ULK4: variants seen among roughly 807,000 people sequenced by gnomAD.
ULK4 encodes unc-51 like kinase 4.
ULK4 carries 133 observed loss-of-function variants against 160.6 expected under a neutral mutation model. The ratio of observed to expected loss-of-function variants is 0.83; its 90% CI spans 0.72 to 0.96. The LOEUF (loss-of-function observed/expected upper bound fraction) is 0.96, where lower values mean the gene tolerates loss of function less well. ULK4 is among the 40% of genes least tolerant of loss of function. The probability of loss-of-function intolerance (pLI) is 0.00; values close to 1 mark genes in which losing one functional copy is unlikely to be tolerated. For synonymous variants in ULK4, 534 were observed against 539.8 expected (o/e 0.99, Z 0.15); for missense variants, 1,580 against 1,499.5 (o/e 1.05, Z -0.89).
At chr3:41,275,883 A>G (rs2079221108) in intron 35 of ULK4, among the ~76,000 whole-genome samples, 1 of 152,230 alleles carries the variant, frequency 6.6e-6, no homozygotes, top group Admixed American at 6.5e-5. Flanking sequence ...GTGGTTAATG[A>G]TCTGTCCTCA....
chr3:41,710,398 G>C (rs953188451), intron 25 of ULK4, among the ~76,000 whole-genome samples: 3 of 152,152 alleles, frequency 2.0e-5, no homozygotes, highest in Non-Finnish European at 2.9e-5. Flanking sequence ...TTTTAAGAGA[G>C]ACCTGTCATT....
intron 35 of ULK4, among the ~76,000 whole-genome samples, chr3:41,330,123 A>T (rs1479307946): frequency 6.6e-6 from 1 of 152,170 alleles, no homozygotes; most frequent in Non-Finnish European, 1.5e-5. Flanking sequence ...AGTGGACTGG[A>T]GACAATGCCA....
At chr3:41,572,370 C>G (rs6773995) in intron 31 of ULK4, among the ~76,000 whole-genome samples, 9,324 of 152,124 alleles carry the variant, frequency 0.061, 857 homozygotes, top group African/African-American at 0.2. Flanking sequence ...ATCTAGGGCT[C>G]TAATGGTGAT....
chr3:41,664,847 G>A (rs1196606383), intron 29 of ULK4, among the ~76,000 whole-genome samples: 2 of 152,028 alleles, frequency 1.3e-5, no homozygotes, highest in African/African-American at 2.4e-5. Context: ...TATTACCAAA[G>A]AGAATAAAAC....
At chr3:41,803,035 C>T (rs1474337409) in intron 19 of ULK4, among the ~76,000 whole-genome samples, 1 of 151,924 alleles carries the variant, frequency 6.6e-6, no homozygotes, top group Non-Finnish European at 1.5e-5. Context: ...CATGGTGGCA[C>T]GTGCTTATAA....
Position 41,447,011 on chromosome 3 carries a change from G to A in ULK4, c.3492+8486C>T, listed in dbSNP as rs555432821. ...AGGCAGGAGAATTGCTTGAACCCGG[G>A]AGGTGGAGGTTGCAGTTAGCCGAGA... On this transcript the variant is annotated intron_variant, in intron 34 of 36. Transcript: ENST00000301831. Among the ~76,000 whole-genome samples the A allele has an allele frequency of 3.4e-5, 5 of 148,090 alleles. No homozygotes were observed. The Admixed American group carries it at 3.4e-4, about 10-fold the overall frequency.
chr3:41,887,171 C>T (rs1256947952), intron 16 of ULK4, among the ~76,000 whole-genome samples: 1 of 152,092 alleles, frequency 6.6e-6, no homozygotes, highest in African/African-American at 2.4e-5. Context: ...CCACTGGGGG[C>T]GAGGGAGACA....
At chr3:41,718,282 T>A (rs1427032158) in intron 22 of ULK4, among the ~76,000 whole-genome samples, 1 of 152,204 alleles carries the variant, frequency 6.6e-6, no homozygotes, top group Non-Finnish European at 1.5e-5. Flanking sequence ...AATTGTCTCA[T>A]CCAAAGAAAA....
At chr3:41,933,167 T>C (rs1699651929) in intron 4 of ULK4, among the ~76,000 whole-genome samples, 1 of 152,234 alleles carries the variant, frequency 6.6e-6, no homozygotes, top group African/African-American at 2.4e-5. Context: ...CAGAATCCCC[T>C]GGAAGACTTG....
At chr3:41,444,359 A>AC (rs2083243498) in intron 34 of ULK4, among the ~76,000 whole-genome samples, 1 of 113,218 alleles carries the variant, frequency 8.8e-6, no homozygotes, top group African/African-American at 4.5e-5. Flanking sequence ...GATTTAAGTG[A>AC]CTTCTCTCTC....
chr3:41,596,956 T>C (rs1453448598), intron 31 of ULK4, among the ~76,000 whole-genome samples: 1 of 152,168 alleles, frequency 6.6e-6, no homozygotes, highest in East Asian at 1.9e-4. Flanking sequence ...GTACACTATT[T>C]AGTAGCATCC....
At chr3:41,728,165 T>A (rs576935471) in intron 22 of ULK4, among the ~76,000 whole-genome samples, 106 of 152,296 alleles carry the variant, frequency 7.0e-4, no homozygotes, top group East Asian at 1.4e-3. Flanking sequence ...GAGTAGGCCA[T>A]GCATGGATGG....
intron 31 of ULK4, among the ~76,000 whole-genome samples, chr3:41,601,162 G>A (rs1175172518): frequency 6.6e-6 from 1 of 152,046 alleles, no homozygotes; most frequent in Non-Finnish European, 1.5e-5. Context: ...AACAAAGTGG[G>A]TGAAGTCACA....
intron 35 of ULK4, among the ~76,000 whole-genome samples, chr3:41,363,891 G>C (rs899468245): frequency 4.0e-5 from 6 of 151,848 alleles, no homozygotes; most frequent in Non-Finnish European, 7.4e-5. Flanking sequence ...TCCAAGGAAG[G>C]GACAGAGTGA....
chr3:41,517,259 T>G (rs2085782097), intron 32 of ULK4, among the ~76,000 whole-genome samples: 1 of 152,202 alleles, frequency 6.6e-6, no homozygotes, highest in African/African-American at 2.4e-5. Context: ...TGCTATGATT[T>G]GAATCTATCC....
intron 30 of ULK4, among the ~76,000 whole-genome samples, chr3:41,626,789 G>C (rs1423988072): frequency 1.3e-5 from 2 of 152,116 alleles, no homozygotes; most frequent in Admixed American, 1.3e-4. Flanking sequence ...GCCTCCCAAA[G>C]TGCTGGGATT....
At chr3:41,952,658 G>GC (rs1700330220) in intron 2 of ULK4, among the ~76,000 whole-genome samples, 1 of 152,130 alleles carries the variant, frequency 6.6e-6, no homozygotes, top group Admixed American at 6.6e-5. Flanking sequence ...AAACAGTATG[G>GC]CAAGTCTTAA....
chr3:41,546,120 T>A (rs1559382819), intron 32 of ULK4, among the ~76,000 whole-genome samples: 1 of 152,204 alleles, frequency 6.6e-6, no homozygotes, highest in Non-Finnish European at 1.5e-5. Flanking sequence ...TTATTATGGG[T>A]CACATTCTTC....
chr3:41,780,065 A>G (rs2039777598), intron 21 of ULK4, among the ~76,000 whole-genome samples: 1 of 151,598 alleles, frequency 6.6e-6, no homozygotes, highest in African/African-American at 2.4e-5. Context: ...CTTTGGAAAC[A>G]CTTTGGGAGG....
Sources: gnomAD v4.1 joint callset for allele counts (sites outside exome capture counted in the v4.1 genomes callset) on GRCh38, gnomAD v4.1.1 for gene constraint, MANE v1.5 for transcripts, NCBI Gene and HGNC (gene_info 2026-07-23, HGNC 2026-07-21) for gene names.